The following INO80B variants were observed in gnomAD, a reference collection of about 807,000 sequenced individuals.
INO80B encodes the protein INO80 complex subunit B, also known as IES2 homolog.
Under a neutral mutation model 31.4 loss-of-function variants are expected in INO80B, and 18 were observed. The observed-to-expected ratio is 0.57, with a 90% confidence interval of 0.40 to 0.85. INO80B has a LOEUF of 0.85. INO80B is among the 40% of genes least tolerant of loss of function. INO80B has a pLI of 0.00. For missense variants in INO80B, 469 were observed against 475.4 expected, an observed-to-expected ratio of 0.99 and a Z score of 0.13; for synonymous variants, 238 against 199.0, an observed-to-expected ratio of 1.20 and a Z score of -1.65.
Position 74,455,915 on chromosome 2 carries a change from G to A in INO80B, c.349G>A (p.Glu117Lys). 1 of 1,612,066 alleles carries A rather than the reference G, an allele frequency of 6.2e-7. No homozygotes were observed. The change falls in exon 3 of 5, where the codon GAG becomes AAG. Residue 117 changes from glutamate to lysine, a missense_variant. Physicochemically the swap from Glu to Lys is moderately conservative, Grantham distance 56. Around this residue, in one of 3 missense-constraint regions of INO80B, gnomAD observed 223 missense variants for 253.4 expected, o/e 0.88. Transcript: ENST00000233331. Reference protein sequence around the residue: ...EEEPMEGVPLEQYRAWLDEDS... With the variant: ...EEEPMEGVPLKQYRAWLDEDS... Reference sequence around the variant, plus strand: ...GGAACCTATGGAAGGAGTCCCCCTTGAGCAGTACCGTGCCTGGCTGGGTGA... The same window carrying A: ...GGAACCTATGGAAGGAGTCCCCCTTAAGCAGTACCGTGCCTGGCTGGGTGA...
Position 74,455,458 on chromosome 2 carries a change from G to A in INO80B, c.111G>A (p.Lys37=), listed in dbSNP as rs752366861. 4.3e-6 allele frequency: 7 copies of A among 1,613,970 alleles called. No individual in the cohort carries two copies. The highest frequency in any genetic ancestry group is 5.9e-6 in the Non-Finnish European group (7 of 1,180,026). Residue 37 remains lysine, a synonymous_variant, in exon 2 of 5, where the codon AAG becomes AAA. Transcript: ENST00000233331. The stretch of plus-strand genomic sequence containing the variant: ...GTGCCCATGGCCATGGAGTGCACAA[G>A]AAAAAACACAAGAAGCACAAGAAGA... ...LAGAHGHGVH[K]KKHKKHKKKH... is the part of the protein sequence containing the mutation.
At chr2:74,456,050 T>C (rs1671684779) in intron 3 of INO80B, 53 bp from the exon 4 acceptor site, 2 of 1,567,776 alleles carry the variant, frequency 1.3e-6, no homozygotes, top group Non-Finnish European at 1.7e-6. Flanking sequence ...TCAGCCAAAT[T>C]AGGGTGCCCC....
chr2:74,456,639 G>C (rs1047278700), intron 4 of INO80B, among the ~76,000 whole-genome samples: 1 of 152,216 alleles, frequency 6.6e-6, no homozygotes, highest in Non-Finnish European at 1.5e-5. Flanking sequence ...CAGACCTTGA[G>C]ACTGGAACAT....
chr2:74,455,321 G>A (rs1671663891), intron 1 of INO80B, 85 bp from the exon 2 acceptor site: 1 of 1,560,382 alleles, frequency 6.4e-7, no homozygotes, highest in Non-Finnish European at 8.8e-7. Flanking sequence ...TGCGGGAAGG[G>A]TGGGATCCAG....
At position 74,457,833 on chromosome 2, in the gene INO80B, A is replaced by T. The variant is rs1393617950; in HGVS notation, c.1040A>T (p.Glu347Val). The T allele has an allele frequency of 6.3e-7, 1 of 1,578,290 alleles. No homozygotes were observed. Among genetic ancestry groups the T allele is most frequent in the Admixed American group, 1.7e-5 (1 of 57,996 alleles). Residue 347 changes from glutamate (E) to valine (V), a missense_variant, in exon 5 of 5, where the codon GAG (glutamate) becomes GTG (valine). Glu to Val is a moderately radical substitution (Grantham distance 121, BLOSUM62 -2). Coordinates refer to ENST00000233331, the MANE Select transcript of INO80B (RefSeq NM_031288.4). Reference protein sequence around the residue: ...INLQMRLGGPEGPGSPLLAT With the variant: ...INLQMRLGGPVGPGSPLLAT ...CTGCAGATGCGGCTGGGGGGGCCCGAGGGTCCTGGATCCCCCCTTTTGGCT... is the reference window on the plus strand; with the variant it reads ...CTGCAGATGCGGCTGGGGGGGCCCGTGGGTCCTGGATCCCCCCTTTTGGCT...
intron 2 of INO80B, 91 bp downstream of exon 2, chr2:74,455,689 G>A (rs1671673874): frequency 6.9e-7 from 1 of 1,445,948 alleles, no homozygotes; most frequent in South Asian, 1.3e-5. Flanking sequence ...AAGACCGAAT[G>A]GACACTGTGA....
chr2:74,457,755 C>T lies in INO80B; in HGVS notation c.962C>T (p.Ala321Val), dbSNP rs1385609699. ...VPGCPHPRRY[A>V]CSRTGQALCS... ...GGCTGTCCCCATCCGCGCCGCTACG[C>T]TTGCTCCCGCACAGGCCAGGCACTC... Residue 321 changes from alanine to valine, a missense_variant, in exon 5 of 5, where the codon GCT becomes GTT. Transcript: ENST00000233331. The T allele has an allele frequency of 1.2e-6, 2 of 1,600,024 alleles. No homozygotes were observed. Among genetic ancestry groups the T allele is most frequent in the Non-Finnish European group, 1.7e-6 (2 of 1,179,760 alleles).
chr2:74,455,377 A>G (rs2103958539), intron 1 of INO80B, 29 bp from the exon 2 acceptor site: 1 of 1,614,052 alleles, frequency 6.2e-7, no homozygotes, highest in South Asian at 1.1e-5. Flanking sequence ...CCTCCGGCCA[A>G]ACACTGTCGA....
chr2:74,456,102 G>T lies in INO80B; in HGVS notation c.371-1G>T. On this transcript the variant is annotated splice_acceptor_variant, in intron 3 of 4. Coordinates refer to ENST00000233331, the MANE Select transcript of INO80B (RefSeq NM_031288.4). LOFTEE classifies it high-confidence loss of function. ...TTTTCTTTCTCCAACTTCCTTCCCA[G>T]ATGAAGACAGTAATCTCTCTCCCTC... 6.3e-7 allele frequency: 1 copy of T among 1,584,376 alleles called. No homozygotes were observed. The highest frequency in any genetic ancestry group is 8.6e-7 in the Non-Finnish European group (1 of 1,165,222).
At position 74,457,610 on chromosome 2, in the gene INO80B, G is replaced by C; in HGVS notation, c.817G>C (p.Val273Leu). 1 of 1,568,764 alleles carries C rather than the reference G, an allele frequency of 6.4e-7. No individual in the cohort carries two copies. Among genetic ancestry groups the C allele is most frequent in the Non-Finnish European group, 8.6e-7 (1 of 1,163,636 alleles). ...GGRAAAPAPM[V>L]RYCSGAQGST... Reference sequence around the variant, plus strand: ...GCGGGCTGCGGCTCCGGCCCCCATGGTGCGCTACTGCAGCGGAGCACAGGG... The same window carrying C: ...GCGGGCTGCGGCTCCGGCCCCCATGCTGCGCTACTGCAGCGGAGCACAGGG... The change falls in exon 5 of 5, where the codon GTG becomes CTG. Residue 273 changes from valine to leucine, a missense_variant. Transcript: ENST00000233331.
chr2:74,457,643 C>A lies in INO80B; in HGVS notation c.850C>A (p.Leu284Ile). ...RYCSGAQGST[L>I]SFPPGVPAPT... ...CTGCAGCGGAGCACAGGGTTCCACC[C>A]TTTCCTTCCCACCTGGCGTCCCCGC... Residue 284 changes from leucine (L) to isoleucine (I), a missense_variant, in exon 5 of 5, where the codon CTT becomes ATT. This residue lies in a region of INO80B where 201 missense variants were observed against 151.7 expected (regional missense o/e 1.32). Coordinates refer to ENST00000233331, the MANE Select transcript of INO80B (RefSeq NM_031288.4). 1 of 1,598,694 alleles carries A rather than the reference C, an allele frequency of 6.3e-7. No individual in the cohort carries two copies. The highest frequency in any genetic ancestry group is 2.2e-5 in the East Asian group (1 of 44,678).
In INO80B at chr2:74,455,568, A is replaced by G; in HGVS notation, c.221A>G (p.Lys74Arg). 2 of 1,613,416 alleles carry G rather than the reference A, an allele frequency of 1.2e-6. No individual in the cohort carries two copies. Among genetic ancestry groups the G allele is most frequent in the Non-Finnish European group, 1.7e-6 (2 of 1,179,836 alleles). ...AAGCCTCAGCTCAAACTCAAAATCA[A>G]GCTTGGGGGACAAGTCCTGGGGACC... The part of the protein sequence containing the change: ...PAKPQLKLKI[K>R]LGGQVLGTKS... Residue 74 changes from lysine to arginine, a missense_variant, in exon 2 of 5, where the codon AAG becomes AGG. Physicochemically the swap from Lys to Arg is conservative, Grantham distance 26. Coordinates refer to ENST00000233331, the MANE Select transcript of INO80B (RefSeq NM_031288.4).
At chr2:74,455,349 C>A in intron 1 of INO80B, 57 bp from the exon 2 acceptor site, 1 of 1,603,682 alleles carries the variant, frequency 6.2e-7, no homozygotes, top group Non-Finnish European at 8.5e-7. Context: ...TTAGGTTATT[C>A]AGGGCTTCCC....
Position 74,457,386 on chromosome 2 carries a change from C to T in INO80B, c.593C>T (p.Pro198Leu). 1.9e-6 allele frequency: 3 copies of T among 1,608,456 alleles called. No individual in the cohort carries two copies. Among genetic ancestry groups the T allele is most frequent in the Non-Finnish European group, 8.5e-7 (1 of 1,177,764 alleles). ...CAACCTTCCCCTATGCTGCCGCTGCCTGTAGCTGAGGGCTGCCCACCTCCC... is the reference window on the plus strand; with the variant it reads ...CAACCTTCCCCTATGCTGCCGCTGCTTGTAGCTGAGGGCTGCCCACCTCCC... Reference protein sequence around the residue: ...RSQPSPMLPLPVAEGCPPPAL... With the variant: ...RSQPSPMLPLLVAEGCPPPAL... Residue 198 changes from proline to leucine, a missense_variant, in exon 5 of 5, where the codon CCT (proline) becomes CTT (leucine). This residue lies in a region of INO80B where 223 missense variants were observed against 253.4 expected (regional missense o/e 0.88). Coordinates refer to ENST00000233331, the MANE Select transcript of INO80B (RefSeq NM_031288.4).
Position 74,455,089 on chromosome 2 carries a change from T to C in INO80B, c.-28T>C, listed in dbSNP as rs1351151024. 6.2e-7 allele frequency: 1 copy of C among 1,613,510 alleles called. No individual in the cohort carries two copies. Among genetic ancestry groups the C allele is most frequent in the East Asian group, 2.2e-5 (1 of 44,876 alleles). On this transcript the variant is annotated 5_prime_UTR_variant, in exon 1 of 5. Coordinates refer to ENST00000233331, the MANE Select transcript of INO80B (RefSeq NM_031288.4). ...GCGTGTCTGCGTGTGTCCCAACCAT[T>C]TCTAGTCCCCTTTCCTCGCAGGACC...
In INO80B at chr2:74,457,704, G is replaced by T; in HGVS notation, c.911G>T (p.Gly304Val). ...TAVSQRPSPS[G>V]PPPRCSVPGC... ...GTGTCTCAGCGGCCATCCCCCTCAG[G>T]CCCGCCGCCGCGCTGCTCTGTCCCC... The change falls in exon 5 of 5, where the codon GGC (glycine) becomes GTC (valine). Residue 304 changes from glycine (G) to valine (V), a missense_variant. Gly to Val is a moderately radical substitution (Grantham distance 109, BLOSUM62 -3). This residue lies in a region of INO80B where 201 missense variants were observed against 151.7 expected (regional missense o/e 1.32). Coordinates refer to ENST00000233331, the MANE Select transcript of INO80B (RefSeq NM_031288.4). 1 of 1,599,588 alleles carries T rather than the reference G, an allele frequency of 6.3e-7. No individual in the cohort carries two copies.
intron 1 of INO80B, 86 bp from the exon 2 acceptor site, chr2:74,455,320 G>A (rs1411708703): frequency 6.4e-7 from 1 of 1,557,768 alleles, no homozygotes; most frequent in Non-Finnish European, 8.9e-7. Flanking sequence ...CTGCGGGAAG[G>A]GTGGGATCCA....
rs755238690 is a variant in INO80B at position 74,457,906 on chromosome 2, TTGAG to T, written c.*44_*47del. 12 of 1,479,866 alleles carry T rather than the reference TTGAG, an allele frequency of 8.1e-6. No homozygotes were observed. In the African/African-American group the frequency reaches 8.6e-5, roughly 11 times the overall value. The allele number at this position is 1,479,866 out of a possible 1,614,324, so 91.7% of individuals were successfully genotyped here. On this transcript the variant is annotated 3_prime_UTR_variant, in exon 5 of 5. Coordinates refer to ENST00000233331, the MANE Select transcript of INO80B (RefSeq NM_031288.4). ...TCTGCGCCCCGTCCCATGCCCGCTC[TTGAG>T]TATCTTCCCCACCCTATTAAATTAC...
At position 74,455,853 on chromosome 2, in the gene INO80B, G is replaced by A. The variant is rs757271048; in HGVS notation, c.287G>A (p.Arg96His). ...PTFTVIPEGP[R>H]SPSPLMVVDN... Reference sequence around the variant, plus strand: ...TTCACTGTGATCCCAGAGGGGCCTCGCTCACCCTCTCCCCTTATGGTTGTG... The same window carrying A: ...TTCACTGTGATCCCAGAGGGGCCTCACTCACCCTCTCCCCTTATGGTTGTG... Residue 96 changes from arginine (R) to histidine (H), a missense_variant, in exon 3 of 5, where the codon CGC becomes CAC. Coordinates refer to ENST00000233331, the MANE Select transcript of INO80B (RefSeq NM_031288.4). 12 of 1,613,384 alleles carry A rather than the reference G, an allele frequency of 7.4e-6. No homozygotes were observed. The Admixed American group carries it at 1.3e-4, about 18-fold the overall frequency.
Sources: gnomAD v4.1 joint callset for allele counts (sites outside exome capture counted in the v4.1 genomes callset) on GRCh38, gnomAD v4.1.1 for gene constraint, gnomAD v4.1.1 regional missense constraint, MANE v1.5 for transcripts, NCBI Gene and HGNC (gene_info 2026-07-23, HGNC 2026-07-21) for gene names.